Variants in RTKN2 observed in about 807,000 individuals in gnomAD.
RTKN2 encodes rhotekin-2.
Under a neutral mutation model 71.5 loss-of-function variants are expected in RTKN2, and 69 were observed. That is an observed-to-expected ratio of 0.96 (90% CI 0.79 to 1.18). The LOEUF (loss-of-function observed/expected upper bound fraction) is 1.18. RTKN2 is among the 50% of genes most tolerant of loss of function. The pLI is 0.00. For missense variants in RTKN2, 724 were observed against 719.7 expected (o/e 1.01, Z -0.07); for synonymous variants, 236 against 236.5 (o/e 1.00, Z 0.02).
At chr10:62,225,036 C>T (rs1841991032) in intron 6 of RTKN2, among the ~76,000 whole-genome samples, 1 of 127,732 alleles carries the variant, frequency 7.8e-6, no homozygotes, top group Admixed American at 8.6e-5. Context: ...GTCTTTTTGA[C>T]CAAACTCTAG....
chr10:62,232,083 T>C (rs796583547), intron 6 of RTKN2, among the ~76,000 whole-genome samples: 3 of 152,238 alleles, frequency 2.0e-5, no homozygotes, highest in African/African-American at 7.2e-5. Context: ...CCCACTTTAA[T>C]GGTATCAAAT....
At chr10:62,254,734 GT>G (rs1415522197) in intron 2 of RTKN2, among the ~76,000 whole-genome samples, 2 of 152,112 alleles carry the variant, frequency 1.3e-5, no homozygotes, top group African/African-American at 4.8e-5. Flanking sequence ...GAGGCCAGGA[GT>G]TCAAGATCAG....
intron 10 of RTKN2, among the ~76,000 whole-genome samples, chr10:62,202,419 C>G (rs1192723242): frequency 6.6e-6 from 1 of 152,186 alleles, no homozygotes; most frequent in Non-Finnish European, 1.5e-5. Flanking sequence ...ACATACCATA[C>G]TTCAACCAGG....
intron 7 of RTKN2, among the ~76,000 whole-genome samples, chr10:62,222,392 A>G (rs1418201057): frequency 1.3e-5 from 2 of 152,106 alleles, no homozygotes; most frequent in East Asian, 1.9e-4. Context: ...GATTACAGGC[A>G]TGAGCCACCA....
Position 62,195,717 on chromosome 10 carries a change from T to A in RTKN2, c.*2191A>T, listed in dbSNP as rs539759470. ...CTACACTCCTTAGGTAAGGGGTAAA[T>A]TAGCATTTCAGGAGCTGAAGACACC... On this transcript the variant is annotated 3_prime_UTR_variant, in exon 12 of 12. Coordinates refer to ENST00000373789, the MANE Select transcript of RTKN2 (RefSeq NM_145307.4). 3 of 985,198 alleles carry A rather than the reference T, an allele frequency of 3.0e-6. No homozygotes were observed. The East Asian group carries it at 3.4e-4, about 112-fold the overall frequency. The allele number at this position is 985,198 out of a possible 1,614,324, so 61.0% of individuals were successfully genotyped here.
intron 2 of RTKN2, among the ~76,000 whole-genome samples, chr10:62,246,633 C>T (rs1842483543): frequency 6.6e-6 from 1 of 151,932 alleles, no homozygotes; most frequent in Non-Finnish European, 1.5e-5. Context: ...AGATGAGAAA[C>T]AGAGTAGCTC....
intron 9 of RTKN2, among the ~76,000 whole-genome samples, chr10:62,205,233 G>A (rs750147859): frequency 1.5e-4 from 23 of 152,048 alleles, no homozygotes; most frequent in Non-Finnish European, 3.4e-4. Context: ...ATAAAATACT[G>A]AATAATGTCT....
Position 62,198,234 on chromosome 10 carries a change from T to C in RTKN2, c.1504A>G (p.Arg502Gly). 9 of 1,614,012 alleles carry C rather than the reference T, an allele frequency of 5.6e-6. No homozygotes were observed. The highest frequency in any genetic ancestry group is 7.6e-6 in the Non-Finnish European group (9 of 1,179,960). ...TCAGAAGGAGGAAGGGGAGCTTGTC[T>C]CTTTTTCCCTTTTTCATCATGTAAT... ...EPLHDEKGKK[R>G]QAPLPPSDKL... is the part of the protein sequence containing the mutation. Residue 502 changes from arginine (R) to glycine (G), a missense_variant, in exon 12 of 12, where the codon AGA (arginine) becomes GGA (glycine). Coordinates refer to ENST00000373789, the MANE Select transcript of RTKN2 (RefSeq NM_145307.4).
At position 62,184,244 on chromosome 10, in the gene RTKN2, G is replaced by T. The variant is rs964661799; in HGVS notation, c.*78C>A. The T allele has an allele frequency of 4.9e-5, 47 of 951,304 alleles. 1 individual carries two copies. Among genetic ancestry groups the T allele is most frequent in the Admixed American group, 9.6e-5 (4 of 41,664 alleles). The allele number at this position is 951,304 out of a possible 1,614,324, so 58.9% of individuals were successfully genotyped here. A position where few individuals can be genotyped will look rare whatever the true frequency, so the allele number is the denominator to read the frequency against. On this transcript the variant is annotated 3_prime_UTR_variant, in exon 9 of 9. Transcript: ENST00000315289. ...GGAGACGCGTTGTCTTTTCCCTCAT[G>T]AAGCTTACATTCTACTAGAGAAATG...
chr10:62,231,597 T>C (rs2132957727), intron 6 of RTKN2, among the ~76,000 whole-genome samples: 1 of 152,308 alleles, frequency 6.6e-6, no homozygotes, highest in Middle Eastern at 3.4e-3. Context: ...CCAACCCTAA[T>C]TTTGAGTTCC....
At chr10:62,252,067 A>G (rs1050182332) in intron 2 of RTKN2, among the ~76,000 whole-genome samples, 1 of 152,060 alleles carries the variant, frequency 6.6e-6, no homozygotes, top group Non-Finnish European at 1.5e-5. Flanking sequence ...GATAGAAATA[A>G]TATTTTTATA....
intron 1 of RTKN2, among the ~76,000 whole-genome samples, chr10:62,266,417 G>C (rs892258191): frequency 6.6e-6 from 1 of 152,156 alleles, no homozygotes; most frequent in African/African-American, 2.4e-5. Flanking sequence ...CAAAGACCAA[G>C]GTGAAGAAGA....
At position 62,203,344 on chromosome 10, in the gene RTKN2, T is replaced by C. The variant is rs891892763; in HGVS notation, c.1186+1513A>G. 8.1e-4 allele frequency among the ~76,000 whole-genome samples: 8 copies of C among 9,870 alleles called. No individual in the cohort carries two copies. The East Asian group carries it at 0.11, about 131-fold the overall frequency. The allele number at this position is 9,870 out of a possible 152,430, so 6.5% of individuals were successfully genotyped here. A position where few individuals can be genotyped will look rare whatever the true frequency, so the allele number is the denominator to read the frequency against. On this transcript the variant is annotated intron_variant, in intron 10 of 11. Coordinates refer to ENST00000373789, the MANE Select transcript of RTKN2 (RefSeq NM_145307.4). ...GTTATACACCTGAGATCTGCTGAAT[T>C]TTTTTTTTTTTTTTTTAAAGACAAG...
chr10:62,215,192 C>G (rs1240486014), intron 9 of RTKN2: 1 of 619,944 alleles, frequency 1.6e-6, no homozygotes, highest in African/African-American at 1.9e-5. Flanking sequence ...ATTTTTACTC[C>G]TCAGCTATTT....
chr10:62,193,205 C>A lies in RTKN2; in HGVS notation c.*4703G>T. On this transcript the variant is annotated 3_prime_UTR_variant, in exon 12 of 12. Transcript: ENST00000373789. ...GACACCAAAAAGTATTCATTTTCAA[C>A]AAAACAATTTATTTTGATATCTTGA... is the stretch of plus-strand genomic sequence containing the variant. The A allele has an allele frequency of 2.2e-6, 2 of 891,862 alleles. No homozygotes were observed. The highest frequency in any genetic ancestry group is 2.7e-6 in the Non-Finnish European group (2 of 744,826). The allele number at this position is 891,862 out of a possible 1,614,324, so 55.2% of individuals were successfully genotyped here.
intron 9 of RTKN2, among the ~76,000 whole-genome samples, chr10:62,205,900 T>C (rs1338767222): frequency 6.6e-6 from 1 of 152,104 alleles, no homozygotes; most frequent in East Asian, 1.9e-4. Context: ...TACACAAAGA[T>C]AGAGATTTGA....
At chr10:62,248,401 G>A (rs1327833572) in intron 2 of RTKN2, among the ~76,000 whole-genome samples, 1 of 152,070 alleles carries the variant, frequency 6.6e-6, no homozygotes, top group Non-Finnish European at 1.5e-5. Context: ...AACACTATCT[G>A]TCTAATAATG....
intron 6 of RTKN2, among the ~76,000 whole-genome samples, chr10:62,227,515 G>C (rs1349105232): frequency 6.6e-6 from 1 of 152,144 alleles, no homozygotes; most frequent in Non-Finnish European, 1.5e-5. Flanking sequence ...TATAGTGAGG[G>C]AGGCAGAGTG....
At chr10:62,213,496 C>T (rs2132867927) in intron 9 of RTKN2, among the ~76,000 whole-genome samples, 1 of 152,156 alleles carries the variant, frequency 6.6e-6, no homozygotes, top group Non-Finnish European at 1.5e-5. Flanking sequence ...GGACTGAAGA[C>T]CTGAGCTAAA....
Sources: allele counts gnomAD v4.1 joint callset (sites outside exome capture counted in the v4.1 genomes callset), GRCh38; gene constraint gnomAD v4.1.1; transcripts MANE v1.5; gene names NCBI Gene and HGNC (gene_info 2026-07-23, HGNC 2026-07-21).